Variants in NCOA2 observed in about 807,000 individuals in gnomAD.
NCOA2 encodes the protein class E basic helix-loop-helix protein 75.
NCOA2 carries 21 observed loss-of-function variants against 145.1 expected under a neutral mutation model. The observed-to-expected ratio is 0.14, with a 90% CI of 0.10 to 0.21. The LOEUF (loss-of-function observed/expected upper bound fraction) is 0.21. NCOA2 is among the 10% of genes least tolerant of loss of function. NCOA2 has a pLI of 1.00. For missense variants in NCOA2, 1,472 were observed against 1,837.6 expected (o/e 0.80, Z 3.64); for synonymous variants, 619 against 637.5 (o/e 0.97, Z 0.44).
chr8:70,370,621 GA>G (rs1328800666), intron 1 of NCOA2, among the ~76,000 whole-genome samples: 2 of 148,702 alleles, frequency 1.3e-5, no homozygotes, highest in African/African-American at 2.5e-5. Flanking sequence ...AACTCTTCTG[GA>G]AAAAAAAATC....
the NCOA2 span, among the ~76,000 whole-genome samples, chr8:70,447,610 T>C: frequency 6.6e-6 from 1 of 151,958 alleles, no homozygotes; most frequent in African/African-American, 2.4e-5. Flanking sequence ...CCCTGGTTGA[T>C]AGTTAATTTA....
intron 1 of NCOA2, among the ~76,000 whole-genome samples, chr8:70,350,188 CT>C (rs1809051271): frequency 6.6e-6 from 1 of 152,096 alleles, no homozygotes; most frequent in Non-Finnish European, 1.5e-5. Context: ...GTCTAGCATA[CT>C]GTGGATCTTC....
intron 4 of NCOA2, among the ~76,000 whole-genome samples, chr8:70,194,096 T>C (rs954325891): frequency 6.6e-6 from 1 of 152,264 alleles, no homozygotes; most frequent in East Asian, 1.9e-4. Context: ...TTTTCTCTGC[T>C]GTGTATTTTT....
chr8:70,445,683 T>C, the NCOA2 span, among the ~76,000 whole-genome samples: 1 of 152,218 alleles, frequency 6.6e-6, no homozygotes, highest in East Asian at 1.9e-4. Flanking sequence ...GATGGGAGGA[T>C]GTTCGAGTTT....
chr8:70,406,525 T>C (rs1814783660), upstream of NCOA2, among the ~76,000 whole-genome samples: 1 of 152,166 alleles, frequency 6.6e-6, no homozygotes. Context: ...GGAAAAAATA[T>C]GTGGGTGCAG....
At chr8:70,127,989 C>T (rs1290925444) in intron 18 of NCOA2, among the ~76,000 whole-genome samples, 4 of 152,138 alleles carry the variant, frequency 2.6e-5, no homozygotes, top group Admixed American at 6.5e-5. Flanking sequence ...GTGCAAGAGG[C>T]GGTGATGTGC....
At chr8:70,316,720 G>A (rs933316432) in intron 1 of NCOA2, among the ~76,000 whole-genome samples, 1 of 152,164 alleles carries the variant, frequency 6.6e-6, no homozygotes, top group Non-Finnish European at 1.5e-5. Flanking sequence ...AGTGTAATAA[G>A]GAAGTCCCCT....
At chr8:70,159,242 A>ATATTTTTTTTT in intron 10 of NCOA2, among the ~76,000 whole-genome samples, 6 of 61,074 alleles carry the variant, frequency 9.8e-5, no homozygotes, top group African/African-American at 3.2e-4. Context: ...ATATATATAT[A>ATATTTTTTTTT]TTTTTTTTTT....
intron 1 of NCOA2, among the ~76,000 whole-genome samples, chr8:70,368,199 T>C (rs966013185): frequency 2.0e-5 from 3 of 152,236 alleles, no homozygotes; most frequent in African/African-American, 4.8e-5. Context: ...TATTCTTCTA[T>C]GCTGTAAAGC....
At chr8:70,427,080 C>G in the NCOA2 span, among the ~76,000 whole-genome samples, 230 of 152,260 alleles carry the variant, frequency 1.5e-3, 1 homozygote, top group Non-Finnish European at 2.0e-3. Context: ...CACAGTAATA[C>G]TAGTATATCT....
In NCOA2 at chr8:70,166,706, G is replaced by C. The variant is rs371458621; in HGVS notation, c.590C>G (p.Thr197Ser). 1.2e-6 allele frequency: 2 copies of C among 1,613,990 alleles called. No homozygotes were observed. Among genetic ancestry groups the C allele is most frequent in the Non-Finnish European group, 1.7e-6 (2 of 1,179,874 alleles). The change falls in exon 7 of 23, where the codon ACC (threonine) becomes AGC (serine). Residue 197 changes from threonine to serine, a missense_variant. Physicochemically the swap from Thr to Ser is moderately conservative, Grantham distance 58 (BLOSUM62 1). Around this residue, in one of 4 missense-constraint regions of NCOA2, gnomAD observed 284 missense variants for 467.8 expected, o/e 0.61. Transcript: ENST00000452400. Reference protein sequence around the residue: ...SGEPPRRNSHTFNCRMLVKPL... With the variant: ...SGEPPRRNSHSFNCRMLVKPL... ...TTTTACCAGCATCCGACAATTGAAGGTATGGCTGTTCCGCCTCGGAGGTTC... is the reference window on the plus strand; with the variant it reads ...TTTTACCAGCATCCGACAATTGAAGCTATGGCTGTTCCGCCTCGGAGGTTC...
At chr8:70,316,321 CTA>C (rs1246624008) in intron 1 of NCOA2, among the ~76,000 whole-genome samples, 1 of 152,174 alleles carries the variant, frequency 6.6e-6, no homozygotes, top group East Asian at 1.9e-4. Context: ...TTTAAAGGCA[CTA>C]TGTTTTTACC....
intron 11 of NCOA2, among the ~76,000 whole-genome samples, chr8:70,149,544 G>A (rs1375415576): frequency 1.3e-5 from 2 of 149,694 alleles, no homozygotes; most frequent in African/African-American, 4.9e-5. Flanking sequence ...CCTGTCTACA[G>A]AAGCCATAAA....
intron 1 of NCOA2, among the ~76,000 whole-genome samples, chr8:70,378,743 TAAAAAAAAAAA>T (rs10672044): frequency 9.1e-6 from 1 of 109,880 alleles, no homozygotes; most frequent in Non-Finnish European, 1.9e-5. Flanking sequence ...TAGGCTATGC[TAAAAAAAAAAA>T]AAAAAAAAAC....
Position 70,124,006 on chromosome 8 carries a change from T to C in NCOA2, c.4171A>G (p.Asn1391Asp). Reference sequence around the variant, plus strand: ...CCTGTGTTGGTCGCCATGGACACATTGATGTTCATGTTGTTACTGTACATG... The same window carrying C: ...CCTGTGTTGGTCGCCATGGACACATCGATGTTCATGTTGTTACTGTACATG... Reference protein sequence around the residue: ...TSMYSNNMNINVSMATNTGGM... With the variant: ...TSMYSNNMNIDVSMATNTGGM... Residue 1391 changes from asparagine (N) to aspartate (D), a missense_variant, in exon 21 of 23, where the codon AAT becomes GAT. By Grantham distance (23) the Asn-to-Asp change is conservative. Transcript: ENST00000452400. 1 of 1,614,006 alleles carries C rather than the reference T, an allele frequency of 6.2e-7. No homozygotes were observed.
chr8:70,449,686 G>T, the NCOA2 span, among the ~76,000 whole-genome samples: 1 of 152,222 alleles, frequency 6.6e-6, no homozygotes, highest in East Asian at 1.9e-4. Flanking sequence ...GAGCCCACTG[G>T]CTGAGTCTGT....
intron 4 of NCOA2, among the ~76,000 whole-genome samples, chr8:70,209,901 A>C (rs1818836136): frequency 6.6e-6 from 1 of 152,204 alleles, no homozygotes; most frequent in Non-Finnish European, 1.5e-5. Context: ...GCCTGTGCTT[A>C]CTATTTTTCT....
intron 4 of NCOA2, among the ~76,000 whole-genome samples, chr8:70,198,698 G>C (rs1218166315): frequency 1.3e-5 from 2 of 152,186 alleles, no homozygotes; most frequent in South Asian, 2.1e-4. Flanking sequence ...GCTGATTGTG[G>C]GGAAGGAAGA....
At chr8:70,158,862 G>A (rs1339420167) in intron 10 of NCOA2, among the ~76,000 whole-genome samples, 2 of 152,104 alleles carry the variant, frequency 1.3e-5, no homozygotes, top group Non-Finnish European at 2.9e-5. Flanking sequence ...TGCATTTGTT[G>A]CTACTGGGAG....
Sources: gnomAD v4.1 joint callset for allele counts (sites outside exome capture counted in the v4.1 genomes callset) on GRCh38, gnomAD v4.1.1 for gene constraint, gnomAD v4.1.1 regional missense constraint, MANE v1.5 for transcripts, NCBI Gene and HGNC (gene_info 2026-07-23, HGNC 2026-07-21) for gene names.